The following RPGRIP1L variants were observed in gnomAD, a reference collection of about 807,000 sequenced individuals.
RPGRIP1L encodes RPGRIP1 like.
A neutral mutation model predicts 160.4 loss-of-function variants in RPGRIP1L; 131 were observed. The ratio of observed to expected loss-of-function variants is 0.82; its 90% confidence interval spans 0.71 to 0.94. The LOEUF (loss-of-function observed/expected upper bound fraction) is 0.94, where lower values mean the gene tolerates loss of function less well. Ranked by LOEUF, RPGRIP1L falls within the 40% of genes least tolerant of loss-of-function variation. The pLI, the probability that RPGRIP1L is intolerant of heterozygous loss-of-function variation, is 0.00. For synonymous variants in RPGRIP1L, 510 were observed against 515.8 expected, an observed-to-expected ratio of 0.99 and a Z score of 0.15; for missense variants, 1,522 against 1,535.8, an observed-to-expected ratio of 0.99 and a Z score of 0.15.
chr16:53,605,481 C>T lies in RPGRIP1L; in HGVS notation c.3835G>A (p.Val1279Ile). The T allele has an allele frequency of 1.2e-6, 2 of 1,614,088 alleles. No homozygotes were observed. The highest frequency in any genetic ancestry group is 1.7e-6 in the Non-Finnish European group (2 of 1,180,016). ...AACTGAGCAACACTTTCACCCATAC[C>T]ATCGATATTTTGCTCAATGAGGTCC... ...GRDLIEQNID[V>I]FDARADGEGI... is the part of the protein sequence containing the mutation. Residue 1279 changes from valine to isoleucine, a missense_variant and splice_region_variant, in exon 26 of 27, where the codon GTT becomes ATT. Val to Ile is a conservative substitution (Grantham distance 29). Transcript: ENST00000647211.
rs1387929830 is a variant in RPGRIP1L, at chr16:53,622,238, C to T, written c.3413G>A (p.Gly1138Asp). 1.5e-6 allele frequency: 1 copy of T among 668,222 alleles called. No homozygotes were observed. Among genetic ancestry groups the T allele is most frequent in the Non-Finnish European group, 2.7e-6 (1 of 368,888 alleles). The allele number at this position is 668,222 out of a possible 1,614,324, so 41.4% of individuals were successfully genotyped here. A position where few individuals can be genotyped will look rare whatever the true frequency, so the allele number is the denominator to read the frequency against. ...ASASQVDGIT[G>D]ACHHTQPSEK... ...AATTACCTGGGTGTGGTGGCAGGCA[C>T]CTGTAATCCCATCTACTTGGGAGGC... The change falls in exon 23 of 27, where the codon GGT becomes GAT. Residue 1138 changes from glycine (G) to aspartate (D), a missense_variant. By Grantham distance (94) the Gly-to-Asp change is moderately conservative. Coordinates refer to ENST00000647211, the MANE Select transcript of RPGRIP1L (RefSeq NM_015272.5).
intron 25 of RPGRIP1L, among the ~76,000 whole-genome samples, chr16:53,609,458 C>G (rs1598213971): frequency 6.6e-6 from 1 of 151,992 alleles, no homozygotes; most frequent in Admixed American, 6.6e-5. Flanking sequence ...AAAGGCAGGT[C>G]TAACACAAAA....
intron 5 of RPGRIP1L, among the ~76,000 whole-genome samples, chr16:53,686,947 T>G (rs1228824592): frequency 6.6e-6 from 1 of 152,110 alleles, no homozygotes; most frequent in East Asian, 1.9e-4. Context: ...AAATTAACAC[T>G]TCAGAGAGAG....
rs572711160 is a variant in RPGRIP1L at position 53,646,756 on chromosome 16, T to C, written c.2305-753A>G. ...TTGTTTGGTTTAGTGCTGGAGTCTCTACATTCCACAAAGGCATCCCTCTGC... is the reference window on the plus strand; with the variant it reads ...TTGTTTGGTTTAGTGCTGGAGTCTCCACATTCCACAAAGGCATCCCTCTGC... On this transcript the variant is annotated intron_variant, in intron 16 of 26. Coordinates refer to ENST00000647211, the MANE Select transcript of RPGRIP1L (RefSeq NM_015272.5). 1.8e-3 allele frequency among the ~76,000 whole-genome samples: 274 copies of C among 152,326 alleles called. 1 individual carries two copies. The highest frequency in any genetic ancestry group is 3.4e-3 in the Non-Finnish European group (231 of 68,034).
In RPGRIP1L at chr16:53,686,463, TGAA is replaced by T. The variant is rs1567879828; in HGVS notation, c.743_745del (p.Leu248del). On this transcript the variant is annotated inframe_deletion, in exon 6 of 27. Coordinates refer to ENST00000647211, the MANE Select transcript of RPGRIP1L (RefSeq NM_015272.5). Reference sequence around the variant, plus strand: ...ATCTGTAGCTTGCTGTTCTCGAAGCTGAAGAAGAGATAACTCAATTTCATTTTC... The same window carrying T: ...ATCTGTAGCTTGCTGTTCTCGAAGCTGAAGAGATAACTCAATTTCATTTTC... The T allele has an allele frequency of 2.5e-6, 4 of 1,613,632 alleles. No individual in the cohort carries two copies. The highest frequency in any genetic ancestry group is 3.4e-6 in the Non-Finnish European group (4 of 1,179,802).
intron 22 of RPGRIP1L, among the ~76,000 whole-genome samples, 186 bp downstream of exon 22, chr16:53,636,253 T>C (rs1965825496): frequency 6.6e-6 from 1 of 152,200 alleles, no homozygotes; most frequent in South Asian, 2.1e-4. Context: ...TATAGTCCAT[T>C]ACATAATGAA....
chr16:53,662,771 C>T (rs1331126999), intron 10 of RPGRIP1L, among the ~76,000 whole-genome samples: 3 of 151,882 alleles, frequency 2.0e-5, no homozygotes, highest in Non-Finnish European at 4.4e-5. Flanking sequence ...ACAAAAATAA[C>T]TGGAAAGTAA....
rs145665129 is a variant in RPGRIP1L at position 53,645,895 on chromosome 16, G to A, written c.2413C>T (p.Arg805Ter). ...GGGTGTGGCTGCAGGTGGCTTGCTC[G>A]GGACTGCAGGTGGTTGCAACATCTT... is the stretch of plus-strand genomic sequence containing the variant. ...TIRCCNHLQSRASHLQPHPYV... is the reference protein window; with the variant it reads ...TIRCCNHLQS Residue 805 changes from arginine to a stop codon, truncating the protein, a stop_gained, in exon 17 of 27, where the codon CGA (arginine) becomes TGA (stop). Transcript: ENST00000647211. LOFTEE classifies it high-confidence loss of function. 6.2e-6 allele frequency: 10 copies of A among 1,613,982 alleles called. No individual in the cohort carries two copies. The Admixed American group carries it at 6.7e-5, about 11-fold the overall frequency.
intron 14 of RPGRIP1L, chr16:53,653,333 C>T (rs1238269657): frequency 8.9e-6 from 10 of 1,119,480 alleles, no homozygotes; most frequent in Non-Finnish European, 1.1e-5. Context: ...CCATTGTCTT[C>T]ACTCCTATAA....
chr16:53,631,116 T>C (rs939782748), intron 22 of RPGRIP1L, among the ~76,000 whole-genome samples: 2 of 152,236 alleles, frequency 1.3e-5, no homozygotes, highest in Non-Finnish European at 2.9e-5. Context: ...TTTTATCCAC[T>C]GATAAGATAT....
intron 9 of RPGRIP1L, among the ~76,000 whole-genome samples, chr16:53,666,683 G>A (rs1256695069): frequency 6.6e-6 from 1 of 151,560 alleles, no homozygotes; most frequent in Non-Finnish European, 1.5e-5. Flanking sequence ...TTAGCATGAT[G>A]AAATAGGCAC....
At chr16:53,641,574 C>T in intron 17 of RPGRIP1L, 99 bp from the exon 18 acceptor site, 3 of 1,107,132 alleles carry the variant, frequency 2.7e-6, no homozygotes, top group Non-Finnish European at 4.0e-6. Flanking sequence ...GAGACTCATG[C>T]TCTACCATGT....
At chr16:53,676,706 T>C (rs1004999649) in intron 6 of RPGRIP1L, among the ~76,000 whole-genome samples, 1 of 152,080 alleles carries the variant, frequency 6.6e-6, no homozygotes, top group African/African-American at 2.4e-5. Flanking sequence ...CGATCTCGGC[T>C]ACTGCAACCT....
At position 53,671,885 on chromosome 16, in the gene RPGRIP1L, G is replaced by A. The variant is rs567222892; in HGVS notation, c.1030-302C>T. ...ATATGTTAAGAGCTTGCTAAGTCCC[G>A]GGAAACATAGTATTTTTTACTTTTC... On this transcript the variant is annotated intron_variant, in intron 8 of 26. Coordinates refer to ENST00000647211, the MANE Select transcript of RPGRIP1L (RefSeq NM_015272.5). Among the ~76,000 whole-genome samples the A allele has an allele frequency of 3.3e-5, 5 of 152,102 alleles. No individual in the cohort carries two copies. In the East Asian group the frequency reaches 5.8e-4, roughly 18 times the overall value.
intron 24 of RPGRIP1L, among the ~76,000 whole-genome samples, chr16:53,614,528 A>C (rs1964238640): frequency 6.6e-6 from 1 of 152,306 alleles, no homozygotes; most frequent in East Asian, 1.9e-4. Context: ...TCATTTGCCA[A>C]ATTTTTAAAT....
chr16:53,687,994 CAGAA>C, intron 4 of RPGRIP1L, 29 bp from the exon 5 acceptor site: 1 of 1,296,432 alleles, frequency 7.7e-7, no homozygotes, highest in Non-Finnish European at 1.1e-6. Flanking sequence ...AATATGATTA[CAGAA>C]TTGAAGTTAG....
At chr16:53,638,121 A>G (rs538093589) in intron 20 of RPGRIP1L, among the ~76,000 whole-genome samples, 189 bp downstream of exon 20, 1 of 152,252 alleles carries the variant, frequency 6.6e-6, no homozygotes, top group African/African-American at 2.4e-5. Context: ...AAATATTCAT[A>G]TATTACCTGT....
chr16:53,666,487 G>A (rs1555608871), intron 9 of RPGRIP1L, among the ~76,000 whole-genome samples: 1 of 150,918 alleles, frequency 6.6e-6, no homozygotes, highest in Non-Finnish European at 1.5e-5. Flanking sequence ...TTAAAATAAA[G>A]AACAAATATA....
intron 6 of RPGRIP1L, among the ~76,000 whole-genome samples, chr16:53,676,656 C>T (rs1281599785): frequency 4.6e-5 from 7 of 151,414 alleles, no homozygotes; most frequent in Admixed American, 3.3e-4. Context: ...TTTTTTGAGA[C>T]GGAGACTTGC....
Sources: gnomAD v4.1 joint callset for allele counts (sites outside exome capture counted in the v4.1 genomes callset) on GRCh38, gnomAD v4.1.1 for gene constraint, MANE v1.5 for transcripts, NCBI Gene and HGNC (gene_info 2026-07-23, HGNC 2026-07-21) for gene names.